The following IL11RA variants were observed in gnomAD, a reference collection of about 807,000 sequenced individuals.
The protein encoded by IL11RA is interleukin-11 receptor subunit alpha.
A neutral mutation model predicts 57.0 loss-of-function variants in IL11RA; 51 were observed. That is an observed-to-expected ratio of 0.89 (90% CI 0.71 to 1.13). IL11RA has a LOEUF of 1.13. IL11RA is among the 50% of genes most tolerant of loss of function. IL11RA has a pLI of 0.00. For synonymous variants in IL11RA, 199 were observed against 217.5 expected (o/e 0.91, Z 0.75); for missense variants, 498 against 539.4 (o/e 0.92, Z 0.76).
chr9:34,661,757 G>T lies in IL11RA; in HGVS notation c.*259G>T. 1 of 723,812 alleles carries T rather than the reference G, an allele frequency of 1.4e-6. No individual in the cohort carries two copies. The highest frequency in any genetic ancestry group is 2.4e-6 in the Non-Finnish European group (1 of 423,146). The allele number at this position is 723,812 out of a possible 1,614,324, so 44.8% of individuals were successfully genotyped here. On this transcript the variant is annotated 3_prime_UTR_variant, in exon 13 of 13. Coordinates refer to ENST00000441545, the MANE Select transcript of IL11RA (RefSeq NM_001142784.3). ...TCCATGTGTGACCATGTGTCTGTGA[G>T]GCAGGGAACATGTATTCTCTGCATG...
chr9:34,654,988 TGTGTCC>T, intron 1 of IL11RA: 1 of 504,824 alleles, frequency 2.0e-6, no homozygotes, highest in Non-Finnish European at 3.6e-6. Context: ...AGGGGGTGTG[TGTGTCC>T]GTGTGTGTGT....
At position 34,655,027 on chromosome 9, in the gene IL11RA, G is replaced by A. The variant is rs139973544; in HGVS notation, c.1-191G>A. 2.7e-4 allele frequency: 165 copies of A among 604,038 alleles called. No individual in the cohort carries two copies. In the African/African-American group the frequency reaches 2.8e-3, roughly 10 times the overall value. The allele number at this position is 604,038 out of a possible 1,614,324, so 37.4% of individuals were successfully genotyped here. On this transcript the variant is annotated intron_variant, in intron 1 of 12. Transcript: ENST00000441545. ...TGTGTGTGTGTGTGTGCGCGCGCAC[G>A]CACATGCAAAGCACTGGGTATACAG...
Position 34,660,558 on chromosome 9 carries a change from C to T in IL11RA, c.1127C>T (p.Ser376Phe), listed in dbSNP as rs1821436028. The stretch of plus-strand genomic sequence containing the variant: ...GTGCTGGCGTCTTTGGGAATCCTTT[C>T]TTTCCTGGGACTGGTGGCTGGGGCC... ...VAVLASLGIL[S>F]FLGLVAGALA... The change falls in exon 11 of 13, where the codon TCT (serine) becomes TTT (phenylalanine). Residue 376 changes from serine to phenylalanine, a missense_variant. By Grantham distance (155) the Ser-to-Phe change is radical. Coordinates refer to ENST00000441545, the MANE Select transcript of IL11RA (RefSeq NM_001142784.3). 3.7e-6 allele frequency: 6 copies of T among 1,614,054 alleles called. No individual in the cohort carries two copies. Among genetic ancestry groups the T allele is most frequent in the South Asian group, 2.2e-5 (2 of 91,082 alleles).
intron 11 of IL11RA, 59 bp from the exon 12 acceptor site, chr9:34,660,795 T>G: frequency 1.4e-6 from 2 of 1,473,200 alleles, no homozygotes; most frequent in East Asian, 4.5e-5. Context: ...AATAAACCCT[T>G]TGGCGGAGAC....
chr9:34,656,841 TGAGG>T lies in IL11RA; in HGVS notation c.266_269del (p.Glu89AlafsTer16). 6.2e-7 allele frequency: 1 copy of T among 1,614,154 alleles called. No homozygotes were observed. The highest frequency in any genetic ancestry group is 8.5e-7 in the Non-Finnish European group (1 of 1,180,014). On this transcript the variant is annotated frameshift_variant, in exon 4 of 13. Transcript: ENST00000441545. LOFTEE classifies it high-confidence loss of function. ...TCCTGGCCCAGGCAGACAGCACTGA[TGAGG>T]GCACCTACATCTGCCAGACCCTGGA... is the stretch of plus-strand genomic sequence containing the variant.
In IL11RA at chr9:34,658,136, G is replaced by T. The variant is rs931500185; in HGVS notation, c.647-384G>T. 6.6e-6 allele frequency among the ~76,000 whole-genome samples: 1 copy of T among 152,114 alleles called. No individual in the cohort carries two copies. Among genetic ancestry groups the T allele is most frequent in the Non-Finnish European group, 1.5e-5 (1 of 68,018 alleles). ...GCTCACTGAAGCCTGCAACTCCTGG[G>T]CTCAAGCTATCCCCTCACCTCAGCC... On this transcript the variant is annotated intron_variant, in intron 7 of 12. Coordinates refer to ENST00000441545, the MANE Select transcript of IL11RA (RefSeq NM_001142784.3). The surrounding 1 kb of genome is among the most constrained non-coding windows in gnomAD (Gnocchi z 4.0).
rs150157295 is a variant in IL11RA at position 34,658,613 on chromosome 9, C to T, written c.740C>T (p.Pro247Leu). The T allele has an allele frequency of 8.6e-5, 139 of 1,614,118 alleles. No individual in the cohort carries two copies. In the East Asian group the frequency reaches 1.9e-3, roughly 22 times the overall value. The change falls in exon 8 of 13, where the codon CCG (proline) becomes CTG (leucine). Residue 247 changes from proline to leucine, a missense_variant. Coordinates refer to ENST00000441545, the MANE Select transcript of IL11RA (RefSeq NM_001142784.3). The surrounding 1 kb of genome is among the most constrained non-coding windows in gnomAD (Gnocchi z 4.0). ...RASWTYPASWPCQPHFLLKFR... is the reference protein window; with the variant it reads ...RASWTYPASWLCQPHFLLKFR... The stretch of plus-strand genomic sequence containing the variant: ...AGCTGGACATACCCTGCCTCCTGGC[C>T]GTGCCAGCCCCACTTCCTGCTCAAG...
In IL11RA at chr9:34,658,377, T is replaced by G. The variant is rs916722549; in HGVS notation, c.647-143T>G. On this transcript the variant is annotated intron_variant, in intron 7 of 12. Transcript: ENST00000441545. This position sits in a 1 kb window ranked among gnomAD's most constrained non-coding sequence, Gnocchi z 4.0. ...TCATAATACAGATGACCGGTCTGAG[T>G]CTAATGGATGATCAAGTTTAAGATT... is the stretch of plus-strand genomic sequence containing the variant. 1 of 848,744 alleles carries G rather than the reference T, an allele frequency of 1.2e-6. No individual in the cohort carries two copies. Among genetic ancestry groups the G allele is most frequent in the African/African-American group, 1.7e-5 (1 of 59,946 alleles). The allele number at this position is 848,744 out of a possible 1,614,324, so 52.6% of individuals were successfully genotyped here.
chr9:34,658,691 C>G lies in IL11RA; in HGVS notation c.810+8C>G. ...CATCCAGCCTGGTCCACGGTGAGGCCTGGAGTGCGTCCCAACCCACGGCTG... is the reference window on the plus strand; with the variant it reads ...CATCCAGCCTGGTCCACGGTGAGGCGTGGAGTGCGTCCCAACCCACGGCTG... On this transcript the variant is annotated splice_region_variant and intron_variant, in intron 8 of 12. Transcript: ENST00000441545. This position sits in a 1 kb window ranked among gnomAD's most constrained non-coding sequence, Gnocchi z 4.0. 3 of 1,611,110 alleles carry G rather than the reference C, an allele frequency of 1.9e-6. No homozygotes were observed. Among genetic ancestry groups the G allele is most frequent in the Non-Finnish European group, 2.5e-6 (3 of 1,180,008 alleles).
Position 34,661,829 on chromosome 9 carries a change from G to T in IL11RA, c.*331G>T. ...AGTGTGTGTGGGTCCTTGGCTCTTG[G>T]CCTTTCCCCTTGCAGGGGTTGTGCA... On this transcript the variant is annotated 3_prime_UTR_variant, in exon 13 of 13. Transcript: ENST00000441545. The T allele has an allele frequency of 7.9e-7, 1 of 1,269,330 alleles. No individual in the cohort carries two copies. The highest frequency in any genetic ancestry group is 1.1e-6 in the Non-Finnish European group (1 of 898,790). 78.6% of individuals were successfully genotyped at this position (1,269,330 alleles called of 1,614,324 possible).
Position 34,655,309 on chromosome 9 carries a change from GC to G in IL11RA, c.98del (p.Pro33GlnfsTer12). ...TCCTCCCCCTGCCCCCAGGCCTGGG[GC>G]CCCCCAGGTGAGAAGAACCCTGCTC... Reference protein sequence around the residue: ...SASSPCPQAWGPPGVQYGQPG... With the variant: ...SASSPCPQAWXPPGVQYGQPG... On this transcript the variant is annotated frameshift_variant, in exon 2 of 13. Coordinates refer to ENST00000441545, the MANE Select transcript of IL11RA (RefSeq NM_001142784.3). LOFTEE classifies it high-confidence loss of function. 4 of 1,595,842 alleles carry G rather than the reference GC, an allele frequency of 2.5e-6. No homozygotes were observed. Among genetic ancestry groups the G allele is most frequent in the Non-Finnish European group, 3.4e-6 (4 of 1,165,570 alleles).
Position 34,660,610 on chromosome 9 carries a change from T to G in IL11RA, c.1169+10T>G. 1 of 1,604,440 alleles carries G rather than the reference T, an allele frequency of 6.2e-7. No homozygotes were observed. ...TGGCACTGGGGCTCTGGTAAGTGAC[T>G]GCCATTGGTCCCTCAGCCTCTGATC... On this transcript the variant is annotated intron_variant, in intron 11 of 12. Transcript: ENST00000441545.
intron 4 of IL11RA, 23 bp downstream of exon 4, chr9:34,656,931 G>T: frequency 6.2e-7 from 1 of 1,613,916 alleles, no homozygotes; most frequent in Non-Finnish European, 8.5e-7. Flanking sequence ...GGGTGGCACT[G>T]ATGACACATA....
chr9:34,657,273 C>G, intron 5 of IL11RA, 30 bp from the exon 6 acceptor site: 1 of 1,614,150 alleles, frequency 6.2e-7, no homozygotes. Context: ...TCTTTTCCTT[C>G]CTGACTTCAG....
intron 7 of IL11RA, 74 bp downstream of exon 7, chr9:34,657,661 C>A: frequency 1.4e-6 from 2 of 1,435,468 alleles, no homozygotes; most frequent in Non-Finnish European, 1.9e-6. Flanking sequence ...TCTCCACTCC[C>A]AGAGTTCCCA....
Position 34,658,551 on chromosome 9 carries a change from A to G in IL11RA, c.678A>G (p.Val226=). Residue 226 remains valine, a synonymous_variant, in exon 8 of 13, where the codon GTA becomes GTG. Coordinates refer to ENST00000441545, the MANE Select transcript of IL11RA (RefSeq NM_001142784.3). The surrounding 1 kb of genome is among the most constrained non-coding windows in gnomAD (Gnocchi z 4.0). ...LRPDPPQGLR[V]ESVPGYPRRL... ...CTGACCCACCCCAGGGCCTGCGGGTAGAGTCAGTACCAGGTTACCCCCGAC... is the reference window on the plus strand; with the variant it reads ...CTGACCCACCCCAGGGCCTGCGGGTGGAGTCAGTACCAGGTTACCCCCGAC... 6.2e-7 allele frequency: 1 copy of G among 1,614,130 alleles called. No individual in the cohort carries two copies. Among genetic ancestry groups the G allele is most frequent in the Non-Finnish European group, 8.5e-7 (1 of 1,180,012 alleles).
At chr9:34,654,795 TG>T (rs1210668845) in intron 1 of IL11RA, among the ~76,000 whole-genome samples, 2 of 152,126 alleles carry the variant, frequency 1.3e-5, no homozygotes, top group Admixed American at 1.3e-4. Flanking sequence ...CTGGACCAGG[TG>T]GGGGTAAATA....
chr9:34,657,179 C>A (rs761135908), intron 5 of IL11RA, 30 bp downstream of exon 5: 49 of 1,607,452 alleles, frequency 3.0e-5, no homozygotes, highest in Non-Finnish European at 4.0e-5. Flanking sequence ...TGGATGCCTA[C>A]ACATTTGGGT....
chr9:34,658,454 T>C lies in IL11RA; in HGVS notation c.647-66T>C. On this transcript the variant is annotated intron_variant, in intron 7 of 12. Coordinates refer to ENST00000441545, the MANE Select transcript of IL11RA (RefSeq NM_001142784.3). The surrounding 1 kb of genome is among the most constrained non-coding windows in gnomAD (Gnocchi z 4.0). ...CTAAGGCTCCTTTAAACACACACTTTGGGAAGTGGTGGGGAAGTGATGGAG... is the reference window on the plus strand; with the variant it reads ...CTAAGGCTCCTTTAAACACACACTTCGGGAAGTGGTGGGGAAGTGATGGAG... 1 of 1,518,550 alleles carries C rather than the reference T, an allele frequency of 6.6e-7. No homozygotes were observed. The highest frequency in any genetic ancestry group is 9.2e-7 in the Non-Finnish European group (1 of 1,092,842). 94.1% of individuals were successfully genotyped at this position (1,518,550 alleles called of 1,614,324 possible). A position where few individuals can be genotyped will look rare whatever the true frequency, so the allele number is the denominator to read the frequency against.
Sources: gnomAD v4.1 joint callset for allele counts (sites outside exome capture counted in the v4.1 genomes callset) on GRCh38, gnomAD v4.1.1 for gene constraint, Gnocchi (gnomAD v3.1) non-coding constraint, MANE v1.5 for transcripts, NCBI Gene and HGNC (gene_info 2026-07-23, HGNC 2026-07-21) for gene names.